The following SRGAP2 variants were observed in gnomAD, a reference collection of about 807,000 sequenced individuals.
SRGAP2 encodes SLIT-ROBO Rho GTPase activating protein 2.
Under a neutral mutation model 57.2 loss-of-function variants are expected in SRGAP2, and 15 were observed. The observed-to-expected ratio is 0.26, with a 90% CI of 0.18 to 0.40. SRGAP2 has a LOEUF of 0.40. Ranked by LOEUF, SRGAP2 falls within the 10% of genes least tolerant of loss-of-function variation. The probability of loss-of-function intolerance (pLI) is 1.00; values close to 1 mark genes in which losing one functional copy is unlikely to be tolerated. For synonymous variants in SRGAP2, 249 were observed against 248.0 expected (o/e 1.00, Z -0.04); for missense variants, 520 against 669.6 (o/e 0.78, Z 2.47).
intron 2 of SRGAP2, among the ~76,000 whole-genome samples, chr1:206,295,836 C>G (rs1278741463): frequency 3.9e-5 from 6 of 152,134 alleles, no homozygotes; most frequent in Non-Finnish European, 4.4e-5. Context: ...AGCCCCTTTG[C>G]AAGGGACCAA....
At chr1:206,439,089 T>C (rs1438017348) in intron 16 of SRGAP2, among the ~76,000 whole-genome samples, 6 of 152,200 alleles carry the variant, frequency 3.9e-5, no homozygotes, top group Admixed American at 3.9e-4. Flanking sequence ...TAAGCTGAAC[T>C]GGGGTTGCCA....
chr1:206,355,473 G>A (rs1199310522), intron 4 of SRGAP2, among the ~76,000 whole-genome samples: 1 of 151,974 alleles, frequency 6.6e-6, no homozygotes, highest in African/African-American at 2.4e-5. Context: ...GAATAGGGCT[G>A]TGATAGTCTG....
intron 11 of SRGAP2, among the ~76,000 whole-genome samples, chr1:206,417,713 C>T (rs562022347): frequency 1.3e-3 from 199 of 152,150 alleles, no homozygotes; most frequent in Non-Finnish European, 2.1e-3. Flanking sequence ...AGCCACCGGG[C>T]CCAGCACAAT....
intron 21 of SRGAP2, among the ~76,000 whole-genome samples, chr1:206,457,694 G>T (rs1553378909): frequency 3.3e-5 from 5 of 152,200 alleles, no homozygotes. Flanking sequence ...AACAGGACTA[G>T]GACTGGCTTA....
intron 13 of SRGAP2, among the ~76,000 whole-genome samples, chr1:206,422,341 C>T (rs528353330): frequency 3.9e-5 from 6 of 152,276 alleles, no homozygotes; most frequent in African/African-American, 7.2e-5. Flanking sequence ...CTTTGAATCT[C>T]GTCTTAATGA....
At chr1:206,334,638 C>T (rs548347363) in intron 3 of SRGAP2, among the ~76,000 whole-genome samples, 7 of 152,198 alleles carry the variant, frequency 4.6e-5, no homozygotes, top group Admixed American at 3.3e-4. Context: ...CAAACTTCTC[C>T]GCTCATGCCT....
At chr1:206,209,813 C>T (rs1388096782) in intron 2 of SRGAP2, among the ~76,000 whole-genome samples, 1 of 150,550 alleles carries the variant, frequency 6.6e-6, no homozygotes, top group African/African-American at 2.5e-5. Flanking sequence ...TATGTACACA[C>T]GTCCTTCTGT....
intron 9 of SRGAP2, 109 bp from the exon 10 acceptor site, chr1:206,406,267 AC>A: frequency 1.4e-6 from 1 of 700,046 alleles, no homozygotes; most frequent in Non-Finnish European, 2.6e-6. Context: ...AGAGCTGCAC[AC>A]TCTGATGGCA....
intron 4 of SRGAP2, among the ~76,000 whole-genome samples, chr1:206,347,271 C>T (rs1231513816): frequency 1.3e-5 from 2 of 150,962 alleles, no homozygotes; most frequent in Admixed American, 1.3e-4. Context: ...AAAAAAACAA[C>T]AAAAAAACAA....
chr1:206,226,898 T>C (rs1190871921), intron 2 of SRGAP2, among the ~76,000 whole-genome samples: 7 of 151,752 alleles, frequency 4.6e-5, no homozygotes, highest in African/African-American at 7.3e-5. Context: ...CCTTCCTCCT[T>C]CTTAGAAACA....
At chr1:206,232,327 C>T (rs2102520943) in intron 2 of SRGAP2, among the ~76,000 whole-genome samples, 2 of 151,510 alleles carry the variant, frequency 1.3e-5, no homozygotes, top group African/African-American at 2.4e-5. Flanking sequence ...ACAGAATCTT[C>T]TCAAGATCAC....
intron 21 of SRGAP2, among the ~76,000 whole-genome samples, chr1:206,457,572 G>A (rs1663942570): frequency 1.3e-5 from 2 of 152,194 alleles, no homozygotes; most frequent in Non-Finnish European, 1.5e-5. Flanking sequence ...CTCGAGAGCG[G>A]CTGAGTCACA....
intron 11 of SRGAP2, among the ~76,000 whole-genome samples, chr1:206,416,727 T>G (rs1276069276): frequency 6.6e-6 from 1 of 152,094 alleles, no homozygotes; most frequent in Admixed American, 6.5e-5. Flanking sequence ...ATCCTATGAT[T>G]AATGGGATTC....
chr1:206,358,502 C>G (rs1363937779), intron 4 of SRGAP2, among the ~76,000 whole-genome samples: 2 of 151,678 alleles, frequency 1.3e-5, no homozygotes, highest in Admixed American at 6.6e-5. Flanking sequence ...CAAGATAATC[C>G]AAGCCTTCTG....
intron 2 of SRGAP2, among the ~76,000 whole-genome samples, chr1:206,238,791 A>G (rs1668035678): frequency 1.3e-5 from 2 of 152,058 alleles, no homozygotes; most frequent in South Asian, 4.2e-4. Context: ...GGCAGTGAAA[A>G]CAAGCTACTG....
intron 4 of SRGAP2, among the ~76,000 whole-genome samples, chr1:206,351,082 A>G (rs1249085182): frequency 1.3e-5 from 2 of 152,238 alleles, no homozygotes; most frequent in Non-Finnish European, 2.9e-5. Context: ...ATTTGGACTG[A>G]GATAGGATTT....
At position 206,461,745 on chromosome 1, in the gene SRGAP2, A is replaced by G; in HGVS notation, c.*325A>G. Reference sequence around the variant, plus strand: ...TCCTGAGGACATGGGCTCAAGTCTCAGTCCCCTCAGACCACGGTGATGCCT... The same window carrying G: ...TCCTGAGGACATGGGCTCAAGTCTCGGTCCCCTCAGACCACGGTGATGCCT... On this transcript the variant is annotated 3_prime_UTR_variant, in exon 23 of 23. Coordinates refer to ENST00000573034, the MANE Select transcript of SRGAP2 (RefSeq NM_015326.5). The G allele has an allele frequency of 3.8e-6, 1 of 263,458 alleles. No individual in the cohort carries two copies. The highest frequency in any genetic ancestry group is 7.3e-6 in the Non-Finnish European group (1 of 137,652). 16.3% of individuals were successfully genotyped at this position (263,458 alleles called of 1,614,324 possible).
chr1:206,464,435 G>A lies in SRGAP2; in HGVS notation c.*3015G>A, dbSNP rs1462881981. On this transcript the variant is annotated 3_prime_UTR_variant, in exon 23 of 23. Coordinates refer to ENST00000573034, the MANE Select transcript of SRGAP2 (RefSeq NM_015326.5). Reference sequence around the variant, plus strand: ...AAAATAAAATACATTTTTAGGTTTCGATGCTGCAGTTCATATCCCTTCTCT... The same window carrying A: ...AAAATAAAATACATTTTTAGGTTTCAATGCTGCAGTTCATATCCCTTCTCT... 1 of 152,500 alleles carries A rather than the reference G, an allele frequency of 6.6e-6. No individual in the cohort carries two copies. The allele number at this position is 152,500 out of a possible 1,614,324, so 9.4% of individuals were successfully genotyped here. A position where few individuals can be genotyped will look rare whatever the true frequency, so the allele number is the denominator to read the frequency against.
chr1:206,295,038 CCCTT>C (rs1450177103), intron 2 of SRGAP2, among the ~76,000 whole-genome samples: 1 of 144,620 alleles, frequency 6.9e-6, no homozygotes, highest in Non-Finnish European at 1.5e-5. Context: ...CCTCTCCTCA[CCCTT>C]CATTTACTGA....
Sources: allele counts gnomAD v4.1 joint callset (sites outside exome capture counted in the v4.1 genomes callset), GRCh38; gene constraint gnomAD v4.1.1; transcripts MANE v1.5; gene names NCBI Gene and HGNC (gene_info 2026-07-23, HGNC 2026-07-21).